Variants in RPSA2 observed in about 807,000 individuals in gnomAD.
RPSA2 encodes the protein ribosomal protein SA 2, also known as small ribosomal subunit protein uS2B.
chr19:23,853,445 G>T, the RPSA2 span, among the ~76,000 whole-genome samples: 1 of 152,216 alleles, frequency 6.6e-6, no homozygotes, highest in Non-Finnish European at 1.5e-5. Flanking sequence ...AACCAATTGA[G>T]TTAAAGCCTC....
the RPSA2 span, among the ~76,000 whole-genome samples, chr19:23,793,361 T>C: frequency 3.3e-5 from 1 of 30,476 alleles, no homozygotes. Flanking sequence ...TTTGGGGTTA[T>C]ATCTTTTTTT....
chr19:23,864,119 AG>A, the RPSA2 span, among the ~76,000 whole-genome samples: 4 of 152,300 alleles, frequency 2.6e-5, no homozygotes, highest in South Asian at 4.1e-4. Flanking sequence ...CTGTCGAAAA[AG>A]TAATTTGACA....
chr19:23,823,569 A>AACTG, the RPSA2 span, among the ~76,000 whole-genome samples: 1 of 151,832 alleles, frequency 6.6e-6, no homozygotes, highest in Non-Finnish European at 1.5e-5. Flanking sequence ...TTTCTCTCCT[A>AACTG]ACTGACTTCG....
the RPSA2 span, among the ~76,000 whole-genome samples, chr19:23,831,026 T>C: frequency 1.3e-5 from 2 of 152,232 alleles, no homozygotes; most frequent in Non-Finnish European, 2.9e-5. Context: ...GAGTTTACTC[T>C]TGTTATTTTG....
chr19:23,783,097 A>ATTAG, the RPSA2 span, among the ~76,000 whole-genome samples: 1 of 149,666 alleles, frequency 6.7e-6, no homozygotes, highest in Non-Finnish European at 1.5e-5. Flanking sequence ...CTTTTAATTA[A>ATTAG]TTAATTAATT....
At chr19:23,825,302 T>C in the RPSA2 span, among the ~76,000 whole-genome samples, 1 of 152,206 alleles carries the variant, frequency 6.6e-6, no homozygotes, top group Non-Finnish European at 1.5e-5. Flanking sequence ...ATTTTTGTGT[T>C]ATATATTTTA....
chr19:23,864,539 C>G, the RPSA2 span, among the ~76,000 whole-genome samples: 2 of 152,198 alleles, frequency 1.3e-5, no homozygotes, highest in African/African-American at 4.8e-5. Context: ...CATCACCCAA[C>G]AGACAGCATA....
the RPSA2 span, chr19:23,818,783 A>G: frequency 2.0e-5 from 3 of 152,522 alleles, no homozygotes; most frequent in Non-Finnish European, 2.9e-5. Flanking sequence ...TTGACCTGAC[A>G]TGAACCTCCA....
the RPSA2 span, among the ~76,000 whole-genome samples, chr19:23,791,735 CT>C: frequency 5.4e-4 from 79 of 146,316 alleles, no homozygotes; most frequent in African/African-American, 9.2e-4. Flanking sequence ...TTAATCTTTT[CT>C]TTTTTTTTTT....
chr19:23,831,214 C>G, the RPSA2 span, among the ~76,000 whole-genome samples: 1 of 152,026 alleles, frequency 6.6e-6, no homozygotes, highest in South Asian at 2.1e-4. Flanking sequence ...GAAAAGGTCC[C>G]TAAAAGTCAG....
At chr19:23,838,966 T>C in the RPSA2 span, among the ~76,000 whole-genome samples, 2 of 152,170 alleles carry the variant, frequency 1.3e-5, no homozygotes, top group Non-Finnish European at 1.5e-5. Context: ...TCTGCTCTGA[T>C]CTTGATTATT....
the RPSA2 span, among the ~76,000 whole-genome samples, chr19:23,834,764 A>G: frequency 3.3e-5 from 5 of 152,104 alleles, no homozygotes. Context: ...AACCTATTCC[A>G]TCTTACACAA....
the RPSA2 span, among the ~76,000 whole-genome samples, chr19:23,789,113 G>A: frequency 6.8e-6 from 1 of 147,024 alleles, no homozygotes; most frequent in Non-Finnish European, 1.5e-5. Flanking sequence ...TGGTTCTCCT[G>A]CCTTAGCCTC....
the RPSA2 span, among the ~76,000 whole-genome samples, chr19:23,787,095 C>T: frequency 6.6e-6 from 1 of 152,080 alleles, no homozygotes; most frequent in South Asian, 2.1e-4. Flanking sequence ...GAAATTGTAG[C>T]ATATTGCTAC....
chr19:23,851,696 C>T, the RPSA2 span, among the ~76,000 whole-genome samples: 2 of 152,176 alleles, frequency 1.3e-5, no homozygotes, highest in African/African-American at 4.8e-5. Flanking sequence ...ATAAGCTTGT[C>T]TGTAGGACCC....
At chr19:23,785,384 C>T in the RPSA2 span, among the ~76,000 whole-genome samples, 1,802 of 152,136 alleles carry the variant, frequency 0.012, 39 homozygotes, top group African/African-American at 0.04. Flanking sequence ...GCCCTTTCTA[C>T]AGGGCCTTGT....
chr19:23,856,431 G>T, the RPSA2 span, among the ~76,000 whole-genome samples: 109 of 152,134 alleles, frequency 7.2e-4, no homozygotes, highest in African/African-American at 2.5e-3. Flanking sequence ...GTTTAATATA[G>T]TAGAGATAAG....
the RPSA2 span, among the ~76,000 whole-genome samples, chr19:23,801,440 A>G: frequency 6.6e-6 from 1 of 152,142 alleles, no homozygotes; most frequent in African/African-American, 2.4e-5. Flanking sequence ...CATGGGCTTC[A>G]CCATGTTGGC....
At chr19:23,782,577 T>C in the RPSA2 span, 1 of 152,316 alleles carries the variant, frequency 6.6e-6, no homozygotes, top group African/African-American at 2.4e-5. Flanking sequence ...GAGTGACTTA[T>C]TGCTGGGGCA....
Sources: gnomAD v4.1 joint callset for allele counts (sites outside exome capture counted in the v4.1 genomes callset) on GRCh38, gnomAD v4.1.1 for gene constraint, MANE v1.5 for transcripts, NCBI Gene and HGNC (gene_info 2026-07-23, HGNC 2026-07-21) for gene names.